The following GUCY1A2 variants were observed in gnomAD, a reference collection of about 807,000 sequenced individuals.
The protein encoded by GUCY1A2 is guanylate cyclase soluble subunit alpha-2.
Under a neutral mutation model 63.5 loss-of-function variants are expected in GUCY1A2, and 27 were observed. The observed-to-expected ratio is 0.43, with a 90% CI of 0.31 to 0.59. GUCY1A2 has a LOEUF of 0.59. Among genes scored for constraint, GUCY1A2 ranks in the 20% least tolerant of loss-of-function variants. The pLI, the probability that GUCY1A2 is intolerant of heterozygous loss-of-function variation, is 0.11. For synonymous variants in GUCY1A2, 364 were observed against 343.5 expected, an observed-to-expected ratio of 1.06 and a Z score of -0.66; for missense variants, 768 against 913.3, an observed-to-expected ratio of 0.84 and a Z score of 2.05.
intron 4 of GUCY1A2, among the ~76,000 whole-genome samples, chr11:106,893,495 A>C (rs1324372885): frequency 6.6e-6 from 1 of 152,180 alleles, no homozygotes; most frequent in Non-Finnish European, 1.5e-5. Flanking sequence ...ACTGAAATAT[A>C]AAATTATAGG....
At chr11:106,844,560 T>A (rs745866228) in intron 4 of GUCY1A2, among the ~76,000 whole-genome samples, 1 of 151,744 alleles carries the variant, frequency 6.6e-6, no homozygotes, top group Non-Finnish European at 1.5e-5. Flanking sequence ...TGCTCTTAAT[T>A]ACTATTCCTT....
At chr11:107,016,736 G>A (rs1220847816) in intron 1 of GUCY1A2, among the ~76,000 whole-genome samples, 1 of 151,794 alleles carries the variant, frequency 6.6e-6, no homozygotes, top group Non-Finnish European at 1.5e-5. Flanking sequence ...AATAGCTAAT[G>A]TGAGAGAGAA....
intron 3 of GUCY1A2, among the ~76,000 whole-genome samples, chr11:106,940,661 A>G (rs1860740640): frequency 1.3e-5 from 2 of 152,188 alleles, no homozygotes; most frequent in Admixed American, 6.6e-5. Context: ...AAACAAATGT[A>G]TAATGATATG....
intron 4 of GUCY1A2, among the ~76,000 whole-genome samples, chr11:106,818,265 T>C (rs1734265122): frequency 6.6e-6 from 1 of 152,206 alleles, no homozygotes; most frequent in Non-Finnish European, 1.5e-5. Flanking sequence ...CAACATCATA[T>C]GCTCATCTCA....
chr11:106,980,358 G>A (rs986020481), intron 2 of GUCY1A2, among the ~76,000 whole-genome samples: 11 of 152,176 alleles, frequency 7.2e-5, no homozygotes, highest in African/African-American at 1.9e-4. Context: ...GTGTCAGGGC[G>A]GAACTCATAC....
At chr11:106,854,684 G>C (rs922897557) in intron 4 of GUCY1A2, among the ~76,000 whole-genome samples, 1 of 152,158 alleles carries the variant, frequency 6.6e-6, no homozygotes, top group Non-Finnish European at 1.5e-5. Flanking sequence ...TGGCAGCTAT[G>C]AGTGGGGCAG....
chr11:106,836,107 A>C (rs1334770525), intron 4 of GUCY1A2, among the ~76,000 whole-genome samples: 4 of 151,934 alleles, frequency 2.6e-5, no homozygotes, highest in African/African-American at 9.7e-5. Context: ...TAAAAAGAGT[A>C]AATTATTAAG....
chr11:106,855,193 G>C (rs1272168342), intron 4 of GUCY1A2, among the ~76,000 whole-genome samples: 1 of 152,128 alleles, frequency 6.6e-6, no homozygotes, highest in Non-Finnish European at 1.5e-5. Flanking sequence ...ACAGACCCTA[G>C]GCAGCTCCCT....
chr11:106,816,690 A>C (rs1858836848), intron 4 of GUCY1A2, among the ~76,000 whole-genome samples: 1 of 151,952 alleles, frequency 6.6e-6, no homozygotes, highest in Non-Finnish European at 1.5e-5. Flanking sequence ...AACATCAATA[A>C]AATCAGTAAA....
chr11:106,821,698 C>T (rs151185394), intron 4 of GUCY1A2, among the ~76,000 whole-genome samples: 2 of 152,250 alleles, frequency 1.3e-5, no homozygotes, highest in African/African-American at 2.4e-5. Flanking sequence ...ACGAAACCTC[C>T]TCAGTGTAAT....
At chr11:106,866,351 G>A (rs1481783109) in intron 4 of GUCY1A2, among the ~76,000 whole-genome samples, 2 of 151,984 alleles carry the variant, frequency 1.3e-5, no homozygotes, top group Non-Finnish European at 2.9e-5. Flanking sequence ...AGACTAATGA[G>A]TCACAAAACA....
intron 7 of GUCY1A2, among the ~76,000 whole-genome samples, chr11:106,703,831 T>C (rs1050373706): frequency 6.6e-6 from 1 of 151,944 alleles, no homozygotes; most frequent in Non-Finnish European, 1.5e-5. Flanking sequence ...TGATTACTTA[T>C]TAAGTAATGA....
chr11:106,935,960 T>A (rs1456046916), intron 4 of GUCY1A2, among the ~76,000 whole-genome samples: 1 of 152,186 alleles, frequency 6.6e-6, no homozygotes, highest in Non-Finnish European at 1.5e-5. Flanking sequence ...TTAGTTTGTC[T>A]AGGTTCATTA....
At chr11:107,014,951 A>C (rs1861799772) in intron 1 of GUCY1A2, among the ~76,000 whole-genome samples, 1 of 152,200 alleles carries the variant, frequency 6.6e-6, no homozygotes, top group Admixed American at 6.5e-5. Context: ...AGAGGACATA[A>C]TCCATCTCCT....
At chr11:106,996,293 T>C (rs1861534520) in intron 1 of GUCY1A2, among the ~76,000 whole-genome samples, 1 of 152,182 alleles carries the variant, frequency 6.6e-6, no homozygotes, top group Admixed American at 6.6e-5. Flanking sequence ...TATCTAATAC[T>C]GTTTAGGAGC....
At chr11:106,998,139 T>C (rs1861565285) in intron 1 of GUCY1A2, among the ~76,000 whole-genome samples, 1 of 152,278 alleles carries the variant, frequency 6.6e-6, no homozygotes, top group South Asian at 2.1e-4. Context: ...ATGATGTGAA[T>C]TGTTGTGGGG....
At chr11:106,797,743 G>A (rs1477597485) in intron 5 of GUCY1A2, among the ~76,000 whole-genome samples, 2 of 152,258 alleles carry the variant, frequency 1.3e-5, no homozygotes, top group East Asian at 3.9e-4. Context: ...CAACAAACCA[G>A]CATCTCTGGG....
At chr11:106,829,639 G>C (rs181436157) in intron 4 of GUCY1A2, among the ~76,000 whole-genome samples, 2 of 152,140 alleles carry the variant, frequency 1.3e-5, no homozygotes, top group Non-Finnish European at 2.9e-5. Flanking sequence ...TGGATATTTT[G>C]AGCTCCTCCT....
chr11:106,787,591 A>AG (rs1426696221), intron 5 of GUCY1A2, among the ~76,000 whole-genome samples: 334 of 137,470 alleles, frequency 2.4e-3, no homozygotes, highest in Middle Eastern at 3.6e-3. Context: ...AGAAAAAGGA[A>AG]GGGAAGGGAA....
Sources: gnomAD v4.1 joint callset for allele counts (sites outside exome capture counted in the v4.1 genomes callset) on GRCh38, gnomAD v4.1.1 for gene constraint, MANE v1.5 for transcripts, NCBI Gene and HGNC (gene_info 2026-07-23, HGNC 2026-07-21) for gene names.